Variants in IMPG1 observed in about 807,000 individuals in gnomAD.
The protein encoded by IMPG1 is interphotoreceptor matrix proteoglycan of 150 kDa.
In IMPG1, 85 loss-of-function variants were observed where a neutral mutation model predicts 92.0. That is an observed-to-expected ratio of 0.92 (90% CI 0.78 to 1.11). IMPG1 has a LOEUF of 1.11. IMPG1 is among the 50% of genes least tolerant of loss of function. The probability of loss-of-function intolerance (pLI) is 0.00; values close to 1 mark genes in which losing one functional copy is unlikely to be tolerated. For missense variants in IMPG1, 1,022 were observed against 956.0 expected, an observed-to-expected ratio of 1.07 and a Z score of -0.91; for synonymous variants, 367 against 334.1, an observed-to-expected ratio of 1.10 and a Z score of -1.08.
At chr6:76,059,149 A>G (rs1784165027) in intron 1 of IMPG1, among the ~76,000 whole-genome samples, 1 of 152,152 alleles carries the variant, frequency 6.6e-6, no homozygotes. Context: ...CAGAGGCTGA[A>G]AAGACTGCAA....
intron 12 of IMPG1, among the ~76,000 whole-genome samples, chr6:76,002,675 A>T (rs1005597330): frequency 6.6e-6 from 1 of 152,170 alleles, no homozygotes; most frequent in Admixed American, 6.5e-5. Context: ...CAGTTCCATT[A>T]GAAAAGGGCT....
intron 7 of IMPG1, among the ~76,000 whole-genome samples, chr6:76,016,852 A>T (rs1486078390): frequency 6.6e-6 from 1 of 152,204 alleles, no homozygotes; most frequent in African/African-American, 2.4e-5. Context: ...TTAAAAGAAC[A>T]GCTCCTGTTC....
At chr6:76,030,066 T>C (rs1297451724) in intron 4 of IMPG1, among the ~76,000 whole-genome samples, 1 of 152,208 alleles carries the variant, frequency 6.6e-6, no homozygotes, top group Non-Finnish European at 1.5e-5. Context: ...CTGATTCCTG[T>C]CGATTAAGCC....
In IMPG1 at chr6:75,950,595, C is replaced by T. The variant is rs763812947; in HGVS notation, c.1791G>A (p.Glu597=). 1 of 1,612,876 alleles carries T rather than the reference C, an allele frequency of 6.2e-7. No individual in the cohort carries two copies. The highest frequency in any genetic ancestry group is 8.5e-7 in the Non-Finnish European group (1 of 1,179,376). ...SNDLFNKSSL[E]YRALEQQFTQ... Reference sequence around the variant, plus strand: ...TGAATTGTTGCTCCAGAGCTCGGTACTCCAGAGAGCTCTTGTTGAACAGGT... The same window carrying T: ...TGAATTGTTGCTCCAGAGCTCGGTATTCCAGAGAGCTCTTGTTGAACAGGT... The change falls in exon 13 of 17, where the codon GAG becomes GAA. Residue 597 remains glutamate (E), a synonymous_variant. Transcript: ENST00000369950.
intron 12 of IMPG1, among the ~76,000 whole-genome samples, chr6:75,974,790 G>A (rs1169105631): frequency 2.0e-5 from 3 of 152,030 alleles, no homozygotes; most frequent in East Asian, 1.9e-4. Flanking sequence ...TGCTGGGACT[G>A]CAGGCATGAG....
chr6:75,950,904 C>A lies in IMPG1; in HGVS notation c.1482G>T (p.Leu494=). 6.2e-7 allele frequency: 1 copy of A among 1,613,968 alleles called. No individual in the cohort carries two copies. The highest frequency in any genetic ancestry group is 8.5e-7 in the Non-Finnish European group (1 of 1,179,946). ...SDYSAISQLA[L]GISHPPASSD... ...AAGATGCAGGTGGATGTGAAATTCC[C>A]AGAGCCAGTTGGCTGATTGCAGAAT... The change falls in exon 13 of 17, where the codon CTG becomes CTT. Residue 494 remains leucine, a synonymous_variant. Coordinates refer to ENST00000369950, the MANE Select transcript of IMPG1 (RefSeq NM_001563.4).
chr6:76,012,519 G>A (rs1301190868), intron 7 of IMPG1, among the ~76,000 whole-genome samples: 1 of 152,190 alleles, frequency 6.6e-6, no homozygotes, highest in East Asian at 1.9e-4. Context: ...AGGCTCTGGG[G>A]ACACCGTCAC....
At chr6:75,956,652 T>G (rs1782127390) in intron 12 of IMPG1, among the ~76,000 whole-genome samples, 1 of 152,210 alleles carries the variant, frequency 6.6e-6, no homozygotes, top group African/African-American at 2.4e-5. Context: ...ATTTGTTTGC[T>G]CTTGCTTCTC....
intron 12 of IMPG1, among the ~76,000 whole-genome samples, chr6:76,000,324 G>A (rs1345405693): frequency 4.6e-5 from 7 of 152,120 alleles, no homozygotes; most frequent in South Asian, 4.2e-4. Flanking sequence ...ATGATTCAGT[G>A]GCATTTGGCA....
At position 76,002,991 on chromosome 6, in the gene IMPG1, A is replaced by T. The variant is rs1337696026; in HGVS notation, c.1218T>A (p.Ala406=). 1 of 1,612,048 alleles carries T rather than the reference A, an allele frequency of 6.2e-7. No homozygotes were observed. Among genetic ancestry groups the T allele is most frequent in the South Asian group, 1.1e-5 (1 of 91,014 alleles). Residue 406 remains alanine, a synonymous_variant, in exon 12 of 17, where the codon GCT becomes GCA. Coordinates refer to ENST00000369950, the MANE Select transcript of IMPG1 (RefSeq NM_001563.4). The part of the protein sequence containing the change: ...PTSFAVITED[A]TLSPELPPVE... ...CAGGAGGAAGTTCTGGACTCAAAGT[A>T]GCATCCTGAAGAATGAATTTTGCAA...
At chr6:75,927,534 G>T (rs989724100) in intron 15 of IMPG1, among the ~76,000 whole-genome samples, 2 of 152,122 alleles carry the variant, frequency 1.3e-5, no homozygotes, top group South Asian at 4.1e-4. Flanking sequence ...CACTGCTGTG[G>T]TCCCGTTTCT....
intron 1 of IMPG1, 71 bp from the exon 2 acceptor site, chr6:76,042,197 T>A (rs1783856842): frequency 1.2e-5 from 10 of 833,236 alleles, no homozygotes; most frequent in Non-Finnish European, 2.0e-5. Context: ...TATGGATAAA[T>A]GACTGAAATA....
At chr6:75,947,982 A>G (rs1781956529) in intron 13 of IMPG1, among the ~76,000 whole-genome samples, 1 of 152,250 alleles carries the variant, frequency 6.6e-6, no homozygotes, top group Non-Finnish European at 1.5e-5. Flanking sequence ...CTATTAAAAC[A>G]AACAACAACT....
intron 7 of IMPG1, among the ~76,000 whole-genome samples, chr6:76,016,135 C>T (rs1203344460): frequency 6.6e-6 from 1 of 152,162 alleles, no homozygotes; most frequent in African/African-American, 2.4e-5. Flanking sequence ...TATGTCTATA[C>T]ACAGCAGTTT....
intron 12 of IMPG1, among the ~76,000 whole-genome samples, chr6:75,993,606 G>T (rs2149473955): frequency 6.6e-6 from 1 of 152,104 alleles, no homozygotes; most frequent in African/African-American, 2.4e-5. Context: ...CATCCCAAAG[G>T]CTCTTACCTT....
chr6:76,070,301 G>T (rs1202298607), intron 1 of IMPG1, among the ~76,000 whole-genome samples: 1 of 152,078 alleles, frequency 6.6e-6, no homozygotes, highest in East Asian at 1.9e-4. Context: ...AAGTCAGAAC[G>T]GCTATTTTTC....
At chr6:75,947,621 A>G (rs1781950768) in intron 13 of IMPG1, 88 bp from the exon 14 acceptor site, 2 of 893,752 alleles carry the variant, frequency 2.2e-6, no homozygotes, top group Non-Finnish European at 1.7e-6. Flanking sequence ...TCATTAACCG[A>G]GACATATATT....
intron 12 of IMPG1, 116 bp from the exon 13 acceptor site, chr6:75,951,210 C>A: frequency 4.2e-6 from 3 of 722,628 alleles, no homozygotes; most frequent in Non-Finnish European, 4.4e-6. Flanking sequence ...TTGCGTAGAT[C>A]ATTTCAATAG....
At chr6:75,941,371 A>G (rs1299251898) in intron 14 of IMPG1, among the ~76,000 whole-genome samples, 2 of 152,238 alleles carry the variant, frequency 1.3e-5, no homozygotes, top group Non-Finnish European at 2.9e-5. Flanking sequence ...GTGACCTTCA[A>G]TGTTATATTA....
Sources: gnomAD v4.1 joint callset for allele counts (sites outside exome capture counted in the v4.1 genomes callset) on GRCh38, gnomAD v4.1.1 for gene constraint, MANE v1.5 for transcripts, NCBI Gene and HGNC (gene_info 2026-07-23, HGNC 2026-07-21) for gene names.